Variants in TMTC1 observed in about 807,000 individuals in gnomAD.
TMTC1 encodes the protein transmembrane O-mannosyltransferase targeting cadherins 1.
A neutral mutation model predicts 104.8 loss-of-function variants in TMTC1; 73 were observed. The ratio of observed to expected loss-of-function variants is 0.70; its 90% CI spans 0.58 to 0.85. TMTC1 has a LOEUF of 0.85. TMTC1 is among the 40% of genes least tolerant of loss of function. The pLI is 0.00. For missense variants in TMTC1, 1,035 were observed against 1,096.1 expected (o/e 0.94, Z 0.79); for synonymous variants, 434 against 428.7 (o/e 1.01, Z -0.15).
At chr12:29,530,535 T>A (rs1944473378) in intron 11 of TMTC1, among the ~76,000 whole-genome samples, 1 of 152,210 alleles carries the variant, frequency 6.6e-6, no homozygotes, top group South Asian at 2.1e-4. Flanking sequence ...ATGGGATGTA[T>A]GTAACATGCA....
At chr12:29,578,110 C>T (rs2136316208) in intron 8 of TMTC1, among the ~76,000 whole-genome samples, 1 of 151,930 alleles carries the variant, frequency 6.6e-6, no homozygotes, top group East Asian at 1.9e-4. Flanking sequence ...AAGGAATAGA[C>T]AATTGGGTCT....
intron 5 of TMTC1, among the ~76,000 whole-genome samples, chr12:29,713,866 G>A (rs1343102317): frequency 6.6e-6 from 1 of 151,838 alleles, no homozygotes; most frequent in East Asian, 1.9e-4. Flanking sequence ...ACCGTGTAGA[G>A]AGGTGAGGTG....
At chr12:29,639,518 AC>A (rs1209895478) in intron 5 of TMTC1, among the ~76,000 whole-genome samples, 1 of 152,242 alleles carries the variant, frequency 6.6e-6, no homozygotes, top group African/African-American at 2.4e-5. Flanking sequence ...AGCAATTAGA[AC>A]TTTGAAATCC....
chr12:29,643,581 CAT>C (rs1389951598), intron 5 of TMTC1, among the ~76,000 whole-genome samples: 1 of 66,606 alleles, frequency 1.5e-5, no homozygotes, highest in Non-Finnish European at 2.7e-5. Context: ...TAATATATGT[CAT>C]ATATAAATAT....
chr12:29,741,274 A>G (rs1421059761), intron 5 of TMTC1, among the ~76,000 whole-genome samples: 1 of 152,214 alleles, frequency 6.6e-6, no homozygotes, highest in Non-Finnish European at 1.5e-5. Flanking sequence ...AATTTCCTCC[A>G]AAGTCTGTGT....
intron 10 of TMTC1, among the ~76,000 whole-genome samples, chr12:29,536,706 T>A (rs1944654938): frequency 6.6e-6 from 1 of 152,254 alleles, no homozygotes; most frequent in East Asian, 1.9e-4. Context: ...GATATTTGGG[T>A]CCCTGTAGTA....
At chr12:29,699,217 G>T (rs900496034) in intron 5 of TMTC1, among the ~76,000 whole-genome samples, 2 of 152,138 alleles carry the variant, frequency 1.3e-5, no homozygotes, top group African/African-American at 4.8e-5. Flanking sequence ...GCAGAGGAAG[G>T]TCTCTGAATA....
At chr12:29,621,557 T>C (rs530802530) in intron 6 of TMTC1, among the ~76,000 whole-genome samples, 1 of 152,350 alleles carries the variant, frequency 6.6e-6, no homozygotes, top group East Asian at 1.9e-4. Context: ...TTGTGTTTAT[T>C]CCCATAAGCT....
chr12:29,686,970 G>A (rs2136739429), intron 5 of TMTC1, among the ~76,000 whole-genome samples: 1 of 150,530 alleles, frequency 6.6e-6, no homozygotes, highest in South Asian at 2.1e-4. Context: ...TAATACATAT[G>A]AGTCTATTTT....
chr12:29,600,010 T>TATATATATATATATA (rs71985661), intron 7 of TMTC1, among the ~76,000 whole-genome samples: 83 of 96,316 alleles, frequency 8.6e-4, no homozygotes, highest in Middle Eastern at 9.1e-3. Flanking sequence ...ATATATATAT[T>TATATATATATATATA]TTTTTTTTTT....
intron 5 of TMTC1, among the ~76,000 whole-genome samples, chr12:29,684,191 AG>A (rs1941018666): frequency 6.6e-6 from 1 of 152,214 alleles, no homozygotes; most frequent in African/African-American, 2.4e-5. Flanking sequence ...TTGGTGGAAC[AG>A]GAGGTTAAAA....
chr12:29,688,439 C>T (rs537391303), intron 5 of TMTC1, among the ~76,000 whole-genome samples: 1 of 152,304 alleles, frequency 6.6e-6, no homozygotes, highest in East Asian at 1.9e-4. Context: ...TATTAGACAT[C>T]TGTTCCCCAT....
intron 11 of TMTC1, chr12:29,532,878 A>C (rs1944543591): frequency 6.6e-6 from 1 of 152,022 alleles, no homozygotes; most frequent in African/African-American, 2.4e-5. Context: ...TCATTTTCTT[A>C]GGGGTTCTGA....
At chr12:29,568,954 C>T (rs1442768244) in intron 9 of TMTC1, 1 of 455,962 alleles carries the variant, frequency 2.2e-6, no homozygotes, top group Non-Finnish European at 4.4e-6. Context: ...TTCTGAATCT[C>T]CAGCATAGAT....
At chr12:29,665,600 T>C (rs1384087067) in intron 5 of TMTC1, among the ~76,000 whole-genome samples, 1 of 152,230 alleles carries the variant, frequency 6.6e-6, no homozygotes, top group East Asian at 1.9e-4. Context: ...ATGACCTTTG[T>C]TAACACAGAA....
chr12:29,571,673 C>A (rs1424610302), intron 9 of TMTC1, among the ~76,000 whole-genome samples: 1 of 151,900 alleles, frequency 6.6e-6, no homozygotes, highest in Non-Finnish European at 1.5e-5. Flanking sequence ...ATACAACTTT[C>A]AGGGCATTTA....
chr12:29,775,336 A>C (rs1280093346), intron 1 of TMTC1, among the ~76,000 whole-genome samples: 1 of 152,078 alleles, frequency 6.6e-6, no homozygotes, highest in Admixed American at 6.6e-5. Flanking sequence ...TCGTCCACAA[A>C]ACTCCTCACA....
intron 5 of TMTC1, among the ~76,000 whole-genome samples, chr12:29,735,440 T>C (rs1001213910): frequency 3.3e-5 from 5 of 152,172 alleles, no homozygotes; most frequent in African/African-American, 1.2e-4. Flanking sequence ...AGTGAGTTAA[T>C]TTACATAAAG....
chr12:29,534,366 T>G (rs1031564388), intron 11 of TMTC1: 1 of 152,256 alleles, frequency 6.6e-6, no homozygotes, highest in Non-Finnish European at 1.5e-5. Context: ...TCAGTTCCAT[T>G]CTTATATCTC....
Sources: allele counts gnomAD v4.1 joint callset (sites outside exome capture counted in the v4.1 genomes callset), GRCh38; gene constraint gnomAD v4.1.1; transcripts MANE v1.5; gene names NCBI Gene and HGNC (gene_info 2026-07-23, HGNC 2026-07-21).